IWS1: variants seen among roughly 807,000 people sequenced by gnomAD.
The protein encoded by IWS1 is protein IWS1 homolog.
A neutral mutation model predicts 86.7 loss-of-function variants in IWS1; 27 were observed. The ratio of observed to expected loss-of-function variants is 0.31; its 90% confidence interval spans 0.23 to 0.43. IWS1 has a LOEUF of 0.43. Among genes scored for constraint, IWS1 ranks in the 20% least tolerant of loss-of-function variants. IWS1 has a pLI of 1.00. For synonymous variants in IWS1, 313 were observed against 335.1 expected (o/e 0.93, Z 0.72); for missense variants, 827 against 1,000.8 (o/e 0.83, Z 2.34).
At chr2:127,482,561 G>A (rs1296465375) in intron 13 of IWS1, 1 of 152,190 alleles carries the variant, frequency 6.6e-6, no homozygotes, top group Non-Finnish European at 1.5e-5. Context: ...CACATCGGAA[G>A]CTTTACCTGC....
Position 127,505,833 on chromosome 2 carries a change from G to C in IWS1, c.151-81C>G. 1 of 986,118 alleles carries C rather than the reference G, an allele frequency of 1.0e-6. No homozygotes were observed. Among genetic ancestry groups the C allele is most frequent in the Non-Finnish European group, 1.5e-6 (1 of 689,128 alleles). 61.1% of individuals were successfully genotyped at this position (986,118 alleles called of 1,614,324 possible). On this transcript the variant is annotated intron_variant, in intron 2 of 13. Transcript: ENST00000295321. The surrounding 1 kb of genome is among the most constrained non-coding windows in gnomAD (Gnocchi z 5.0). ...TAATAAAACATTAAATTTTTTCTGT[G>C]ATTTTTTTAAAATACAGGATTATGT...
chr2:127,501,377 T>C (rs1369337964), intron 5 of IWS1, among the ~76,000 whole-genome samples: 1 of 152,182 alleles, frequency 6.6e-6, no homozygotes, highest in Non-Finnish European at 1.5e-5. Flanking sequence ...CCTATTTTCG[T>C]TGGTTTCTTG....
At chr2:127,495,977 C>A (rs773315995) in intron 7 of IWS1, 21 bp downstream of exon 7, 1 of 1,589,804 alleles carries the variant, frequency 6.3e-7, no homozygotes, top group Non-Finnish European at 8.6e-7. Context: ...AAAAGGTGAA[C>A]CTAGAAGCGA....
intron 10 of IWS1, among the ~76,000 whole-genome samples, chr2:127,491,484 C>A (rs927921579): frequency 6.6e-6 from 1 of 152,122 alleles, no homozygotes. Context: ...GCTCTTGTTG[C>A]CCAGGCTGGA....
At chr2:127,501,454 T>G (rs1169359446) in intron 5 of IWS1, among the ~76,000 whole-genome samples, 1 of 152,216 alleles carries the variant, frequency 6.6e-6, no homozygotes, top group Non-Finnish European at 1.5e-5. Flanking sequence ...TGTGTACAAC[T>G]TCGAGAATCT....
chr2:127,487,544 T>C (rs921033867), intron 12 of IWS1, among the ~76,000 whole-genome samples: 4 of 152,182 alleles, frequency 2.6e-5, no homozygotes, highest in Admixed American at 2.0e-4. Context: ...TATTCTCTTG[T>C]ACAGTTTACC....
intron 2 of IWS1, among the ~76,000 whole-genome samples, chr2:127,509,465 T>C (rs1691325855): frequency 6.6e-6 from 1 of 152,054 alleles, no homozygotes; most frequent in Non-Finnish European, 1.5e-5. Flanking sequence ...TCCCAGCACT[T>C]TGGGAGGCCG....
chr2:127,494,698 T>A (rs1203206608), intron 8 of IWS1, 174 bp downstream of exon 8: 1 of 418,172 alleles, frequency 2.4e-6, no homozygotes, highest in Non-Finnish European at 4.3e-6. Flanking sequence ...GCACCAGGCA[T>A]CAAGGCTTAA....
rs1223174029 is a variant in IWS1 at position 127,526,197 on chromosome 2, T to G, written c.12A>C (p.Glu4Asp). Reference protein sequence around the residue: MDSEYYSGDQSDDG... With the variant: MDSDYYSGDQSDDG... ...CACCTGACTGGTCGCCGCTGTAATA[T>G]TCCGAGTCCATGGCAGGCGGACTCT... Residue 4 changes from glutamate (E) to aspartate (D), a missense_variant, in exon 1 of 14, where the codon GAA becomes GAC. Physicochemically the swap from Glu to Asp is conservative, Grantham distance 45 (BLOSUM62 2). Coordinates refer to ENST00000295321, the MANE Select transcript of IWS1 (RefSeq NM_017969.3). The G allele has an allele frequency of 7.5e-6, 12 of 1,596,048 alleles. No individual in the cohort carries two copies. The highest frequency in any genetic ancestry group is 1.0e-5 in the Non-Finnish European group (12 of 1,171,766).
chr2:127,505,070 C>A lies in IWS1; in HGVS notation c.833G>T (p.Ser278Ile). The A allele has an allele frequency of 3.1e-6, 5 of 1,612,198 alleles. No individual in the cohort carries two copies. Among genetic ancestry groups the A allele is most frequent in the Non-Finnish European group, 4.2e-6 (5 of 1,179,478 alleles). ...GGCCTGGTTCCTTGGGGGATCCTCA[C>A]TTTCCGAATCACTGATTCGGGGTTT... Reference protein sequence around the residue: ...LPKPRISDSESEDPPRNQASD... With the variant: ...LPKPRISDSEIEDPPRNQASD... The change falls in exon 3 of 14, where the codon AGT becomes ATT. Residue 278 changes from serine to isoleucine, a missense_variant. By Grantham distance (142) the Ser-to-Ile change is moderately radical. This residue lies in a region of IWS1 where 548 missense variants were observed against 560.2 expected (regional missense o/e 0.98). Coordinates refer to ENST00000295321, the MANE Select transcript of IWS1 (RefSeq NM_017969.3). This position sits in a 1 kb window ranked among gnomAD's most constrained non-coding sequence, Gnocchi z 5.0.
chr2:127,509,370 G>A lies in IWS1; in HGVS notation c.151-3618C>T, dbSNP rs531046950. Among the ~76,000 whole-genome samples, 6 of 152,214 alleles carry A rather than the reference G, an allele frequency of 3.9e-5. No homozygotes were observed. The South Asian group carries it at 1.2e-3, about 32-fold the overall frequency. ...TGTAACACATTTCCTAGTTGTAATGGTAAAAGAAATTGAGCACTCAGAAGG... is the reference window on the plus strand; with the variant it reads ...TGTAACACATTTCCTAGTTGTAATGATAAAAGAAATTGAGCACTCAGAAGG... On this transcript the variant is annotated intron_variant, in intron 2 of 13. Coordinates refer to ENST00000295321, the MANE Select transcript of IWS1 (RefSeq NM_017969.3).
intron 2 of IWS1, among the ~76,000 whole-genome samples, chr2:127,521,032 G>A (rs572417650): frequency 1.4e-4 from 22 of 152,308 alleles, no homozygotes; most frequent in South Asian, 2.1e-4. Flanking sequence ...GGCCAAGGCC[G>A]GTGGATTACA....
At position 127,505,291 on chromosome 2, in the gene IWS1, G is replaced by C. The variant is rs764323397; in HGVS notation, c.612C>G (p.Pro204=). 2.5e-6 allele frequency: 4 copies of C among 1,613,254 alleles called. No homozygotes were observed. Among genetic ancestry groups the C allele is most frequent in the South Asian group, 1.1e-5 (1 of 90,906 alleles). The part of the protein sequence containing the change: ...QASDSENEEP[P]KPRMSDSESE... Reference sequence around the variant, plus strand: ...TTTCAGAATCACTCATTCGAGGTTTGGGAGGCTCCTCATTTTCGGAGTCAC... The same window carrying C: ...TTTCAGAATCACTCATTCGAGGTTTCGGAGGCTCCTCATTTTCGGAGTCAC... The change falls in exon 3 of 14, where the codon CCC becomes CCG. Residue 204 remains proline, a synonymous_variant. Transcript: ENST00000295321. The surrounding 1 kb of genome is among the most constrained non-coding windows in gnomAD (Gnocchi z 5.0).
At chr2:127,521,122 G>A (rs1032588605) in intron 2 of IWS1, among the ~76,000 whole-genome samples, 2 of 152,182 alleles carry the variant, frequency 1.3e-5, no homozygotes, top group Non-Finnish European at 2.9e-5. Flanking sequence ...AGGCGTGGTA[G>A]CGCACTGTAA....
chr2:127,500,848 CT>C lies in IWS1; in HGVS notation c.1467+1966del, dbSNP rs145556586. 5.1e-4 allele frequency among the ~76,000 whole-genome samples: 77 copies of C among 152,200 alleles called. No individual in the cohort carries two copies. In the Middle Eastern group the frequency reaches 0.017, roughly 34 times the overall value. ...GTTCTAGTTGTTCCACTTTCCCCCC[CT>C]ATTAGTTTAGAAATTACACATTCCA... On this transcript the variant is annotated intron_variant, in intron 5 of 13. Transcript: ENST00000295321.
At chr2:127,515,033 T>G (rs530497144) in intron 2 of IWS1, 1 of 152,256 alleles carries the variant, frequency 6.6e-6, no homozygotes, top group Non-Finnish European at 1.5e-5. Context: ...TCACTAAATA[T>G]TCTTTGAAAG....
rs1691119103 is a variant in IWS1 at position 127,505,824 on chromosome 2, T to A, written c.151-72A>T. 1 of 1,051,378 alleles carries A rather than the reference T, an allele frequency of 9.5e-7. No homozygotes were observed. Among genetic ancestry groups the A allele is most frequent in the Non-Finnish European group, 1.3e-6 (1 of 742,900 alleles). 65.1% of individuals were successfully genotyped at this position (1,051,378 alleles called of 1,614,324 possible). On this transcript the variant is annotated intron_variant, in intron 2 of 13. Coordinates refer to ENST00000295321, the MANE Select transcript of IWS1 (RefSeq NM_017969.3). This position sits in a 1 kb window ranked among gnomAD's most constrained non-coding sequence, Gnocchi z 5.0. The stretch of plus-strand genomic sequence containing the variant: ...AACCATTAATAATAAAACATTAAAT[T>A]TTTTCTGTGATTTTTTTAAAATACA...
chr2:127,512,838 A>G (rs1691546293), intron 2 of IWS1, among the ~76,000 whole-genome samples: 1 of 152,268 alleles, frequency 6.6e-6, no homozygotes, highest in Non-Finnish European at 1.5e-5. Flanking sequence ...CTAGTAAACA[A>G]TAAACATTCA....
chr2:127,519,602 A>G (rs974301427), intron 2 of IWS1, among the ~76,000 whole-genome samples: 3 of 152,194 alleles, frequency 2.0e-5, no homozygotes, highest in African/African-American at 4.8e-5. Flanking sequence ...CATTATTGGG[A>G]AAATTATGCT....
Sources: allele counts gnomAD v4.1 joint callset (sites outside exome capture counted in the v4.1 genomes callset), GRCh38; gene constraint gnomAD v4.1.1; regional missense constraint gnomAD v4.1.1; non-coding constraint Gnocchi (gnomAD v3.1); transcripts MANE v1.5; gene names NCBI Gene and HGNC (gene_info 2026-07-23, HGNC 2026-07-21).